SLIT2: variants seen among roughly 807,000 people sequenced by gnomAD.
SLIT2 encodes slit guidance ligand 2, also known as slit homolog 2 protein.
A neutral mutation model predicts 185.7 loss-of-function variants in SLIT2; 41 were observed. That is an observed-to-expected ratio of 0.22 (90% confidence interval 0.17 to 0.29). The LOEUF (loss-of-function observed/expected upper bound fraction) is 0.29. Among genes scored for constraint, SLIT2 ranks in the 10% least tolerant of loss-of-function variants. The pLI, the probability that SLIT2 is intolerant of heterozygous loss-of-function variation, is 1.00. For synonymous variants in SLIT2, 693 were observed against 680.2 expected (o/e 1.02, Z -0.29); for missense variants, 1,571 against 1,909.0 (o/e 0.82, Z 3.30).
intron 34 of SLIT2, among the ~76,000 whole-genome samples, chr4:20,614,132 C>CA (rs1337596948): frequency 6.6e-6 from 1 of 152,072 alleles, no homozygotes; most frequent in Non-Finnish European, 1.5e-5. Flanking sequence ...CTCGGCCTCC[C>CA]AAAGTGCTGG....
chr4:20,291,717 A>G (rs1464452538), intron 4 of SLIT2, among the ~76,000 whole-genome samples: 1 of 151,876 alleles, frequency 6.6e-6, no homozygotes, highest in African/African-American at 2.4e-5. Flanking sequence ...CGTATGTTCA[A>G]AAAATTTTGC....
chr4:20,473,349 A>T (rs1715768183), intron 5 of SLIT2, among the ~76,000 whole-genome samples: 1 of 151,982 alleles, frequency 6.6e-6, no homozygotes. Flanking sequence ...TTGTACATGC[A>T]TTACTTTTTA....
chr4:20,605,474 A>G (rs894213655), intron 33 of SLIT2, among the ~76,000 whole-genome samples: 4 of 152,314 alleles, frequency 2.6e-5, no homozygotes, highest in African/African-American at 7.2e-5. Context: ...CCCAGTGGAA[A>G]GGCCCAAAGT....
At chr4:20,364,043 A>T (rs1457085059) in intron 4 of SLIT2, among the ~76,000 whole-genome samples, 3 of 152,304 alleles carry the variant, frequency 2.0e-5, no homozygotes, top group Middle Eastern at 3.4e-3. Context: ...CAAATCAGAA[A>T]GGCCATCTAC....
rs190093446 is a variant in SLIT2 at position 20,255,298 on chromosome 4, T to G, written c.179+1304T>G. Among the ~76,000 whole-genome samples, 8 of 152,312 alleles carry G rather than the reference T, an allele frequency of 5.3e-5. No homozygotes were observed. The East Asian group carries it at 1.4e-3, about 26-fold the overall frequency. On this transcript the variant is annotated intron_variant, in intron 1 of 36. Coordinates refer to ENST00000504154, the MANE Select transcript of SLIT2 (RefSeq NM_004787.4). The stretch of plus-strand genomic sequence containing the variant: ...CTTATCCAACCCATTTCTCTCGCCC[T>G]TAGTTTTAAGGCCCAAGTTGAGCCA...
rs546290249 is a variant in SLIT2, at chr4:20,507,270, A to C, written c.915-3225A>C. On this transcript the variant is annotated intron_variant, in intron 9 of 36. Transcript: ENST00000504154. ...TTTTTTGGTGACAATCATTGAAATT[A>C]GTTGTAGATTAATTACAGAAATTAT... 2.5e-3 allele frequency among the ~76,000 whole-genome samples: 388 copies of C among 152,166 alleles called. 3 individuals are homozygous for C. Among genetic ancestry groups the C allele is most frequent in the African/African-American group, 8.9e-3 (369 of 41,568 alleles).
At position 20,510,514 on chromosome 4, in the gene SLIT2, A is replaced by G. The variant is rs139850475; in HGVS notation, c.934A>G (p.Ile312Val). 1,717 of 1,611,674 alleles carry G rather than the reference A, an allele frequency of 1.1e-3. 1 individual carries two copies. Among genetic ancestry groups the G allele is most frequent in the Non-Finnish European group, 1.3e-3 (1,552 of 1,178,154 alleles). ...TTGCAGACGTTTGGAACAGAACACA[A>G]TCAAAGTCATCCCTCCTGGAGCTTT... ...ITEIRLEQNT[I>V]KVIPPGAFSP... The change falls in exon 10 of 37, where the codon ATC (isoleucine) becomes GTC (valine). Residue 312 changes from isoleucine to valine, a missense_variant. By Grantham distance (29) the Ile-to-Val change is conservative. Transcript: ENST00000504154.
chr4:20,427,359 A>G (rs1405499216), intron 4 of SLIT2, among the ~76,000 whole-genome samples: 1 of 152,202 alleles, frequency 6.6e-6, no homozygotes, highest in African/African-American at 2.4e-5. Flanking sequence ...GTAGCCTGTT[A>G]GAACCCATTT....
chr4:20,308,119 A>G (rs1323062), intron 4 of SLIT2, among the ~76,000 whole-genome samples: 107,105 of 152,070 alleles, frequency 0.7, 38,058 homozygotes, highest in East Asian at 0.93. Context: ...GGCAAGAGAC[A>G]CGCTTCATGG....
At chr4:20,517,795 ATC>A (rs766214714) in intron 11 of SLIT2, among the ~76,000 whole-genome samples, 6 of 152,032 alleles carry the variant, frequency 3.9e-5, no homozygotes, top group Non-Finnish European at 7.4e-5. Context: ...TCACGTATTC[ATC>A]TCTCTTGTAT....
At chr4:20,548,113 C>T (rs1421408745) in intron 22 of SLIT2, among the ~76,000 whole-genome samples, 1 of 151,952 alleles carries the variant, frequency 6.6e-6, no homozygotes, top group Non-Finnish European at 1.5e-5. Flanking sequence ...TTTTGTCTAT[C>T]GCAAGTCACC....
intron 9 of SLIT2, among the ~76,000 whole-genome samples, chr4:20,494,996 TTCTAGGAAAAATGA>T (rs1237914705): frequency 6.6e-6 from 1 of 152,042 alleles, no homozygotes; most frequent in African/African-American, 2.4e-5. Context: ...AGGAAGAGAC[TTCTAGGAAAAATGA>T]TCTCCGGAGG....
At chr4:20,571,504 C>T (rs978468910) in intron 29 of SLIT2, among the ~76,000 whole-genome samples, 6 of 152,108 alleles carry the variant, frequency 3.9e-5, no homozygotes, top group South Asian at 2.1e-4. Flanking sequence ...CAACCATCTG[C>T]GGATTTTGAA....
intron 4 of SLIT2, among the ~76,000 whole-genome samples, chr4:20,416,680 A>G (rs1330948138): frequency 6.6e-6 from 1 of 152,226 alleles, no homozygotes; most frequent in Non-Finnish European, 1.5e-5. Context: ...GTGCTTTTTA[A>G]AAGACTATAA....
intron 9 of SLIT2, among the ~76,000 whole-genome samples, chr4:20,504,107 A>C (rs1005467539): frequency 6.6e-6 from 1 of 152,204 alleles, no homozygotes; most frequent in East Asian, 1.9e-4. Flanking sequence ...GTAGCATTCC[A>C]AAAATAGAAA....
intron 4 of SLIT2, among the ~76,000 whole-genome samples, chr4:20,465,894 G>A (rs558239082): frequency 2.8e-4 from 43 of 151,652 alleles, no homozygotes; most frequent in Non-Finnish European, 5.9e-4. Flanking sequence ...GAAGGCTGCA[G>A]AGCCTAGGAG....
In SLIT2 at chr4:20,596,399, TCTCC is replaced by T; in HGVS notation, c.3321-15_3321-12del. ...AAAATCGTATTAACTAATTTTTTTT[TCTCC>T]TTATTCTTCAGTGGCTTGTTCTGTG... On this transcript the variant is annotated splice_polypyrimidine_tract_variant and intron_variant, in intron 31 of 36. Transcript: ENST00000504154. 1.2e-6 allele frequency: 2 copies of T among 1,605,882 alleles called. No individual in the cohort carries two copies. Among genetic ancestry groups the T allele is most frequent in the Non-Finnish European group, 8.5e-7 (1 of 1,177,222 alleles).
At chr4:20,385,229 T>C (rs1724841642) in intron 4 of SLIT2, among the ~76,000 whole-genome samples, 1 of 152,172 alleles carries the variant, frequency 6.6e-6, no homozygotes, top group Non-Finnish European at 1.5e-5. Context: ...AAATGGCGAA[T>C]GAACAAACAA....
At chr4:20,284,320 A>G (rs1351228907) in intron 4 of SLIT2, among the ~76,000 whole-genome samples, 1 of 152,238 alleles carries the variant, frequency 6.6e-6, no homozygotes, top group Non-Finnish European at 1.5e-5. Context: ...AGTGTATTAT[A>G]GAAACTGCTA....
Sources: allele counts gnomAD v4.1 joint callset (sites outside exome capture counted in the v4.1 genomes callset), GRCh38; gene constraint gnomAD v4.1.1; transcripts MANE v1.5; gene names NCBI Gene and HGNC (gene_info 2026-07-23, HGNC 2026-07-21).